Variants in CCDC88C observed in about 807,000 individuals in gnomAD.
CCDC88C encodes protein Daple.
Under a neutral mutation model 198.8 loss-of-function variants are expected in CCDC88C, and 131 were observed. The observed-to-expected ratio is 0.66, with a 90% CI of 0.57 to 0.76. The LOEUF (loss-of-function observed/expected upper bound fraction) is 0.76, where lower values mean the gene tolerates loss of function less well. Among genes scored for constraint, CCDC88C ranks in the 30% least tolerant of loss-of-function variants. The pLI is 0.00. For synonymous variants in CCDC88C, 1,166 were observed against 1,114.7 expected, an observed-to-expected ratio of 1.05 and a Z score of -0.92; for missense variants, 2,553 against 2,631.6, an observed-to-expected ratio of 0.97 and a Z score of 0.65.
chr14:91,384,493 C>A, intron 3 of CCDC88C: 1 of 524,398 alleles, frequency 1.9e-6, no homozygotes, highest in Non-Finnish European at 3.9e-6. Flanking sequence ...CTCATCTCCT[C>A]CTTCTTCCCC....
chr14:91,272,839 G>T lies in CCDC88C; in HGVS notation c.5873C>A (p.Ala1958Glu), dbSNP rs1889795206. Reference sequence around the variant, plus strand: ...GTCTCCCTCTGAGAGGCTGAGCCCTGCCCGGACAGGGGTGATGGTGGCCAC... The same window carrying T: ...GTCTCCCTCTGAGAGGCTGAGCCCTTCCCGGACAGGGGTGATGGTGGCCAC... ...GEVATITPVR[A>E]GLSLSEGDGV... The change falls in exon 30 of 30, where the codon GCA (alanine) becomes GAA (glutamate). Residue 1958 changes from alanine to glutamate, a missense_variant. By Grantham distance (107) the Ala-to-Glu change is moderately radical. Around this residue, in one of 2 missense-constraint regions of CCDC88C, gnomAD observed 1,293 missense variants for 1,219.6 expected, o/e 1.06. Transcript: ENST00000389857. 1 of 1,593,564 alleles carries T rather than the reference G, an allele frequency of 6.3e-7. No homozygotes were observed. The highest frequency in any genetic ancestry group is 1.3e-5 in the African/African-American group (1 of 74,790).
intron 13 of CCDC88C, among the ~76,000 whole-genome samples, chr14:91,318,378 C>T (rs941352014): frequency 6.6e-6 from 1 of 152,110 alleles, no homozygotes; most frequent in Non-Finnish European, 1.5e-5. Context: ...GTCACACTAC[C>T]GCACTCCTGC....
intron 25 of CCDC88C, among the ~76,000 whole-genome samples, chr14:91,286,560 ACCTAAC>A (rs1346463356): frequency 1.3e-5 from 2 of 152,194 alleles, no homozygotes; most frequent in African/African-American, 4.8e-5. Context: ...ACATTAATCG[ACCTAAC>A]CAATTTCTGA....
At chr14:91,306,412 G>A (rs138338205) in intron 18 of CCDC88C, among the ~76,000 whole-genome samples, 1 of 152,320 alleles carries the variant, frequency 6.6e-6, no homozygotes, top group African/African-American at 2.4e-5. Flanking sequence ...CACCAACTGG[G>A]CTAAGGGCCA....
rs1224571267 is a variant in CCDC88C at position 91,284,413 on chromosome 14, AT to A, written c.4442-897del. Among the ~76,000 whole-genome samples the A allele has an allele frequency of 6.6e-6, 1 of 152,194 alleles. No homozygotes were observed. The highest frequency in any genetic ancestry group is 1.5e-5 in the Non-Finnish European group (1 of 68,030). On this transcript the variant is annotated intron_variant, in intron 25 of 29. Coordinates refer to ENST00000389857, the MANE Select transcript of CCDC88C (RefSeq NM_001080414.4). This position sits in a 1 kb window ranked among gnomAD's most constrained non-coding sequence, Gnocchi z 4.1. The stretch of plus-strand genomic sequence containing the variant: ...GATTTGAAATCAAGGGGAAATTTGG[AT>A]TTTGAAAGATAACCTTGATGAGAAG...
At chr14:91,414,762 A>T (rs1443003082) in intron 2 of CCDC88C, among the ~76,000 whole-genome samples, 1 of 152,160 alleles carries the variant, frequency 6.6e-6, no homozygotes, top group Non-Finnish European at 1.5e-5. Flanking sequence ...CACTTCTTGA[A>T]GTCTTAAGAG....
At chr14:91,299,901 G>A (rs759000383) in intron 21 of CCDC88C, 26 bp downstream of exon 21, 2 of 1,568,974 alleles carry the variant, frequency 1.3e-6, no homozygotes, top group Admixed American at 1.8e-5. Flanking sequence ...GTGCTGCTAT[G>A]TGCAGGGCCG....
rs374158121 is a variant in CCDC88C at position 91,307,821 on chromosome 14, CAT to C, written c.3006+528_3006+529del. On this transcript the variant is annotated intron_variant, in intron 17 of 29. Coordinates refer to ENST00000389857, the MANE Select transcript of CCDC88C (RefSeq NM_001080414.4). ...ACACGTGGTGGGCACATGTATAATACATGTGTGTAGAGAGCATGCATGTACAT... is the reference window on the plus strand; with the variant it reads ...ACACGTGGTGGGCACATGTATAATACGTGTGTAGAGAGCATGCATGTACAT... 4.2e-4 allele frequency among the ~76,000 whole-genome samples: 64 copies of C among 152,276 alleles called. 4 individuals are homozygous for C. The highest frequency in any genetic ancestry group is 1.5e-3 in the African/African-American group (61 of 41,562).
chr14:91,286,165 T>G (rs4904763), intron 25 of CCDC88C, among the ~76,000 whole-genome samples: 136,666 of 152,158 alleles, frequency 0.9, 61,686 homozygotes, highest in African/African-American at 0.96. Flanking sequence ...TATTAAACAC[T>G]AATGCTTATT....
intron 4 of CCDC88C, among the ~76,000 whole-genome samples, chr14:91,358,841 T>C (rs1461128034): frequency 6.6e-6 from 1 of 152,052 alleles, no homozygotes; most frequent in East Asian, 1.9e-4. Context: ...CGTCAGAGAC[T>C]GCGGGGACCT....
intron 4 of CCDC88C, among the ~76,000 whole-genome samples, chr14:91,353,149 T>C (rs549018087): frequency 6.6e-6 from 1 of 152,256 alleles, no homozygotes; most frequent in East Asian, 1.9e-4. Flanking sequence ...GGCCCATGAA[T>C]CCTAAACCTC....
intron 29 of CCDC88C, among the ~76,000 whole-genome samples, chr14:91,275,866 G>C (rs1889939199): frequency 8.6e-6 from 1 of 116,400 alleles, no homozygotes. Flanking sequence ...CTGTCGCCCA[G>C]GCTGGAGTGC....
intron 4 of CCDC88C, among the ~76,000 whole-genome samples, chr14:91,355,821 C>T (rs539345644): frequency 2.0e-5 from 3 of 152,022 alleles, no homozygotes; most frequent in Non-Finnish European, 4.4e-5. Flanking sequence ...GGGACAAATG[C>T]GTAGACTCTC....
At position 91,293,392 on chromosome 14, in the gene CCDC88C, C is replaced by G. The variant is rs1596031696; in HGVS notation, c.4112+781G>C. Among the ~76,000 whole-genome samples the G allele has an allele frequency of 2.7e-5, 3 of 112,552 alleles. 1 individual carries two copies. The highest frequency in any genetic ancestry group is 3.8e-5 in the Non-Finnish European group (2 of 52,044). 73.8% of individuals were successfully genotyped at this position (112,552 alleles called of 152,430 possible). A position where few individuals can be genotyped will look rare whatever the true frequency, so the allele number is the denominator to read the frequency against. On this transcript the variant is annotated intron_variant, in intron 23 of 29. Coordinates refer to ENST00000389857, the MANE Select transcript of CCDC88C (RefSeq NM_001080414.4). ...CACCTTCCTGCCCCCTCGCCTGCCA[C>G]AGCCCACCTTCCTGCCCCCTCACCT...
chr14:91,275,663 G>C (rs1328697364), intron 29 of CCDC88C, among the ~76,000 whole-genome samples: 2 of 147,196 alleles, frequency 1.4e-5, no homozygotes, highest in African/African-American at 4.9e-5. Context: ...ATCTTTAGTA[G>C]AGATGGGGTT....
Position 91,297,285 on chromosome 14 carries a change from T to A in CCDC88C, c.3966+20A>T. 1 of 1,608,284 alleles carries A rather than the reference T, an allele frequency of 6.2e-7. No homozygotes were observed. Among genetic ancestry groups the A allele is most frequent in the Non-Finnish European group, 8.5e-7 (1 of 1,176,994 alleles). On this transcript the variant is annotated intron_variant, in intron 22 of 29. Coordinates refer to ENST00000389857, the MANE Select transcript of CCDC88C (RefSeq NM_001080414.4). Reference sequence around the variant, plus strand: ...GGGACTCATCCCTGTCTCCCGAGGCTCCCCTGGCGCTGGCCTCACCTCACA... The same window carrying A: ...GGGACTCATCCCTGTCTCCCGAGGCACCCCTGGCGCTGGCCTCACCTCACA...
rs1336581496 is a variant in CCDC88C at position 91,313,240 on chromosome 14, G to A, written c.2576C>T (p.Thr859Ile). 1 of 1,614,000 alleles carries A rather than the reference G, an allele frequency of 6.2e-7. No individual in the cohort carries two copies. Among genetic ancestry groups the A allele is most frequent in the East Asian group, 2.2e-5 (1 of 44,880 alleles). ...CTTCTCAACGGCGGACAGTTTGGCA[G>A]TGCTATCGTCCAAGACTGCATCCTT... ...ELKDAVLDDS[T>I]AKLSAVEKES... The change falls in exon 15 of 30, where the codon ACT (threonine) becomes ATT (isoleucine). Residue 859 changes from threonine (T) to isoleucine (I), a missense_variant. This residue lies in a region of CCDC88C where 1,260 missense variants were observed against 1,412.0 expected (regional missense o/e 0.89). Coordinates refer to ENST00000389857, the MANE Select transcript of CCDC88C (RefSeq NM_001080414.4). This position sits in a 1 kb window ranked among gnomAD's most constrained non-coding sequence, Gnocchi z 5.2.
chr14:91,298,478 G>A (rs1399787574), intron 21 of CCDC88C, among the ~76,000 whole-genome samples: 1 of 150,520 alleles, frequency 6.6e-6, no homozygotes. Context: ...AGGCTGCAGT[G>A]AGCCATGATC....
chr14:91,384,752 T>A (rs941766), intron 3 of CCDC88C, among the ~76,000 whole-genome samples: 1 of 152,072 alleles, frequency 6.6e-6, no homozygotes, highest in Non-Finnish European at 1.5e-5. Context: ...CTTGTCAATG[T>A]GCTGCGAACA....
Sources: allele counts gnomAD v4.1 joint callset (sites outside exome capture counted in the v4.1 genomes callset), GRCh38; gene constraint gnomAD v4.1.1; regional missense constraint gnomAD v4.1.1; non-coding constraint Gnocchi (gnomAD v3.1); transcripts MANE v1.5; gene names NCBI Gene and HGNC (gene_info 2026-07-23, HGNC 2026-07-21).